PCDHA4: variants seen among roughly 807,000 people sequenced by gnomAD.
The protein encoded by PCDHA4 is protocadherin alpha 4.
PCDHA4 carries 49 observed loss-of-function variants against 61.4 expected under a neutral mutation model. The ratio of observed to expected loss-of-function variants is 0.80; its 90% CI spans 0.63 to 1.01. PCDHA4 has a LOEUF of 1.01. Ranked by LOEUF, PCDHA4 falls within the 50% of genes least tolerant of loss-of-function variation. The probability of loss-of-function intolerance (pLI) is 0.00; values close to 1 mark genes in which losing one functional copy is unlikely to be tolerated. For missense variants in PCDHA4, 1,254 were observed against 1,235.8 expected (o/e 1.01, Z -0.22); for synonymous variants, 590 against 550.3 (o/e 1.07, Z -1.01).
At position 140,843,576 on chromosome 5, in the gene PCDHA4, A is replaced by G; in HGVS notation, c.2385+34004A>G. The G allele has an allele frequency of 1.9e-6, 3 of 1,595,922 alleles. 1 individual carries two copies. Among genetic ancestry groups the G allele is most frequent in the Non-Finnish European group, 2.6e-6 (3 of 1,165,492 alleles). On this transcript the variant is annotated intron_variant, in intron 1 of 3. Coordinates refer to ENST00000530339, the MANE Select transcript of PCDHA4 (RefSeq NM_018907.4). Reference sequence around the variant, plus strand: ...GCGGTGGGGAGCTGGTCATACTCGCAACAACAGCCGCAGAGGGTGTGCTCT... The same window carrying G: ...GCGGTGGGGAGCTGGTCATACTCGCGACAACAGCCGCAGAGGGTGTGCTCT...
At chr5:140,957,734 T>C (rs559180968) in intron 1 of PCDHA4, among the ~76,000 whole-genome samples, 2 of 152,240 alleles carry the variant, frequency 1.3e-5, no homozygotes, top group Admixed American at 6.5e-5. Flanking sequence ...GAATTATATA[T>C]ACTGACATGA....
rs782769711 is a variant in PCDHA4 at position 140,857,323 on chromosome 5, C to G, written c.2385+47751C>G. 1.0e-5 allele frequency: 16 copies of G among 1,598,498 alleles called. 1 individual carries two copies. Among genetic ancestry groups the G allele is most frequent in the Admixed American group, 1.7e-5 (1 of 59,312 alleles). ...TGTCGGCCTATGAGCTGGTGGTGAC[C>G]GCGCGGGACGGGGGCTCGCCTCCGC... On this transcript the variant is annotated intron_variant, in intron 1 of 3. Coordinates refer to ENST00000530339, the MANE Select transcript of PCDHA4 (RefSeq NM_018907.4).
At chr5:140,986,950 A>C (rs1161887732) in intron 3 of PCDHA4, among the ~76,000 whole-genome samples, 1 of 152,164 alleles carries the variant, frequency 6.6e-6, no homozygotes, top group Admixed American at 6.5e-5. Flanking sequence ...GTGGTCGCTC[A>C]TGCCTGTAAT....
Position 140,828,183 on chromosome 5 carries a change from T to C in PCDHA4, c.2385+18611T>C, listed in dbSNP as rs2150151991. The C allele has an allele frequency of 1.9e-6, 3 of 1,614,120 alleles. No individual in the cohort carries two copies. The Admixed American group carries it at 5.0e-5, about 27-fold the overall frequency. ...GCCTGGAAGGTGGGGAGCGGCCAGC[T>C]CCACTACTCCGTACCCGAGGAGGCC... On this transcript the variant is annotated intron_variant, in intron 1 of 3. Coordinates refer to ENST00000530339, the MANE Select transcript of PCDHA4 (RefSeq NM_018907.4).
chr5:140,928,231 C>T (rs2085058715), intron 1 of PCDHA4: 2 of 1,614,108 alleles, frequency 1.2e-6, no homozygotes, highest in South Asian at 2.2e-5. Context: ...AAACTTTCCT[C>T]AACCCCAGCA....
At chr5:140,979,168 G>T in intron 2 of PCDHA4, 161 bp downstream of exon 2, 6 of 966,502 alleles carry the variant, frequency 6.2e-6, no homozygotes, top group Non-Finnish European at 7.4e-6. Context: ...TTCCTTGAAA[G>T]ATCGCAAATG....
chr5:140,871,588 T>C, intron 1 of PCDHA4: 1 of 1,463,366 alleles, frequency 6.8e-7, no homozygotes, highest in Non-Finnish European at 9.1e-7. Context: ...GAAAGTTTTA[T>C]GAATAACCAG....
chr5:140,850,540 C>T, intron 1 of PCDHA4: 1 of 1,598,246 alleles, frequency 6.3e-7, no homozygotes, highest in Non-Finnish European at 8.6e-7. Flanking sequence ...TCGTCGCGGG[C>T]GTCAGTGGGT....
At chr5:140,829,343 G>A (rs1770238655) in intron 1 of PCDHA4, 10 of 1,614,126 alleles carry the variant, frequency 6.2e-6, no homozygotes, top group South Asian at 1.1e-5. Flanking sequence ...CCGCGAGAGC[G>A]TGTCGGCCTA....
chr5:140,965,975 T>TGA (rs1554227957), intron 1 of PCDHA4, among the ~76,000 whole-genome samples: 1 of 152,180 alleles, frequency 6.6e-6, no homozygotes, highest in Non-Finnish European at 1.5e-5. Flanking sequence ...CCCTAGGAGT[T>TGA]GAGCACTTTC....
intron 1 of PCDHA4, chr5:140,857,549 C>G (rs1554150197): frequency 6.3e-7 from 1 of 1,596,826 alleles, no homozygotes; most frequent in Admixed American, 1.7e-5. Flanking sequence ...GTTGGGCGAG[C>G]GCTCGCTGTC....
At chr5:140,967,442 G>T in intron 1 of PCDHA4, 1 of 1,613,600 alleles carries the variant, frequency 6.2e-7, no homozygotes, top group Non-Finnish European at 8.5e-7. Context: ...GCACCACCTG[G>T]TTCTCACAGC....
At chr5:140,863,062 G>T (rs62384481) in intron 1 of PCDHA4, 19 of 565,590 alleles carry the variant, frequency 3.4e-5, no homozygotes, top group Non-Finnish European at 5.9e-5. Flanking sequence ...CCCGTTCCAC[G>T]TGGGGCTCTG....
chr5:140,948,107 C>T (rs1156492592), intron 1 of PCDHA4, among the ~76,000 whole-genome samples: 3 of 151,432 alleles, frequency 2.0e-5, no homozygotes, highest in Middle Eastern at 3.2e-3. Flanking sequence ...GATTTTTCTT[C>T]GTTTTACTAA....
chr5:140,870,100 T>C (rs1554163812), intron 1 of PCDHA4: 2 of 1,613,914 alleles, frequency 1.2e-6, no homozygotes, highest in Admixed American at 3.3e-5. Context: ...GGCAGGTCAC[T>C]GTACAGTCTG....
In PCDHA4 at chr5:140,882,282, G is replaced by T. The variant is rs145553181; in HGVS notation, c.2385+72710G>T. On this transcript the variant is annotated intron_variant, in intron 1 of 3. Coordinates refer to ENST00000530339, the MANE Select transcript of PCDHA4 (RefSeq NM_018907.4). Reference sequence around the variant, plus strand: ...TTGGAGTGTACCATGCTGTCTTCCTGGCAAGGAGGCCCAAGACCGCGGCAA... The same window carrying T: ...TTGGAGTGTACCATGCTGTCTTCCTTGCAAGGAGGCCCAAGACCGCGGCAA... 4.2e-5 allele frequency: 68 copies of T among 1,612,712 alleles called. No individual in the cohort carries two copies. The African/African-American group carries it at 8.4e-4, about 20-fold the overall frequency.
chr5:140,877,135 G>C, intron 1 of PCDHA4: 1 of 1,613,790 alleles, frequency 6.2e-7, no homozygotes, highest in Non-Finnish European at 8.5e-7. Flanking sequence ...GCAGGTGTTC[G>C]TGCTGGACGA....
At chr5:140,857,896 T>C in intron 1 of PCDHA4, 1 of 1,597,704 alleles carries the variant, frequency 6.3e-7, no homozygotes, top group Non-Finnish European at 8.6e-7. Flanking sequence ...CGGCGGTTGG[T>C]GCACGCATCC....
intron 1 of PCDHA4, among the ~76,000 whole-genome samples, chr5:140,974,883 C>T (rs1188748856): frequency 1.3e-5 from 2 of 152,154 alleles, no homozygotes; most frequent in Non-Finnish European, 2.9e-5. Context: ...CTATGTATCC[C>T]TTTTCTGATG....
Sources: allele counts gnomAD v4.1 joint callset (sites outside exome capture counted in the v4.1 genomes callset), GRCh38; gene constraint gnomAD v4.1.1; transcripts MANE v1.5; gene names NCBI Gene and HGNC (gene_info 2026-07-23, HGNC 2026-07-21).